POLN: variants seen among roughly 807,000 people sequenced by gnomAD.
POLN encodes the protein DNA polymerase N.
In POLN, 108 loss-of-function variants were observed where a neutral mutation model predicts 113.5. The observed-to-expected ratio is 0.95, with a 90% CI of 0.81 to 1.12. POLN has a LOEUF of 1.12. POLN is among the 50% of genes most tolerant of loss of function. The pLI, the probability that POLN is intolerant of heterozygous loss-of-function variation, is 0.00. For synonymous variants in POLN, 386 were observed against 391.5 expected, an observed-to-expected ratio of 0.99 and a Z score of 0.17; for missense variants, 1,097 against 1,077.1, an observed-to-expected ratio of 1.02 and a Z score of -0.26.
At chr4:2,227,574 T>C (rs544881152) in intron 3 of POLN, 2 of 152,316 alleles carry the variant, frequency 1.3e-5, no homozygotes, top group East Asian at 3.9e-4. Flanking sequence ...AAAAGTAGTA[T>C]CATATCTTTT....
At chr4:2,086,814 G>A (rs569019068) in intron 20 of POLN, among the ~76,000 whole-genome samples, 1 of 152,196 alleles carries the variant, frequency 6.6e-6, no homozygotes, top group Non-Finnish European at 1.5e-5. Flanking sequence ...TCTGTGATAG[G>A]TAAACTCTAG....
chr4:2,141,660 C>A (rs1271468423), intron 16 of POLN, among the ~76,000 whole-genome samples: 3 of 152,246 alleles, frequency 2.0e-5, no homozygotes, highest in Non-Finnish European at 4.4e-5. Context: ...ATGGCACCCT[C>A]CCTGTGCACC....
At chr4:2,174,071 A>G in intron 10 of POLN, 52 bp from the exon 11 acceptor site, 1 of 1,550,406 alleles carries the variant, frequency 6.4e-7, no homozygotes, top group Admixed American at 1.7e-5. Context: ...TATTCTTTTT[A>G]CTAAAGACTA....
At position 2,111,234 on chromosome 4, in the gene POLN, G is replaced by A. The variant is rs1046395925; in HGVS notation, c.1983-15301C>T. On this transcript the variant is annotated intron_variant, in intron 19 of 25. Coordinates refer to ENST00000511885, the MANE Select transcript of POLN (RefSeq NM_181808.4). Reference sequence around the variant, plus strand: ...TCAATAAATTAGGTATTGATGGGACGTATCTCAAAATAATAAGAGCTATCT... The same window carrying A: ...TCAATAAATTAGGTATTGATGGGACATATCTCAAAATAATAAGAGCTATCT... Among the ~76,000 whole-genome samples the A allele has an allele frequency of 1.5e-4, 23 of 152,160 alleles. No individual in the cohort carries two copies. The East Asian group carries it at 3.1e-3, about 20-fold the overall frequency.
At chr4:2,228,274 CA>C (rs937878886) in intron 3 of POLN, 2 of 145,262 alleles carry the variant, frequency 1.4e-5, no homozygotes, top group African/African-American at 5.4e-5. Flanking sequence ...CAACAAAAAA[CA>C]AAACAAAAAA....
chr4:2,072,795 G>T (rs1462123506), intron 25 of POLN, among the ~76,000 whole-genome samples, 173 bp downstream of exon 25: 4 of 152,198 alleles, frequency 2.6e-5, no homozygotes, highest in Non-Finnish European at 4.4e-5. Context: ...AGCAGAGTCG[G>T]GTGGGGCTTC....
intron 2 of POLN, 124 bp from the exon 3 acceptor site, chr4:2,229,367 A>G: frequency 2.5e-6 from 2 of 813,998 alleles, no homozygotes; most frequent in Non-Finnish European, 3.6e-6. Context: ...ATTCATAACC[A>G]CAGAAAATAG....
intron 2 of POLN, chr4:2,230,502 G>A (rs553928856): frequency 2.3e-4 from 35 of 152,154 alleles, no homozygotes; most frequent in African/African-American, 8.4e-4. Context: ...GTGATAGGGA[G>A]CTGATAGCAA....
At chr4:2,137,647 C>G (rs530587092) in intron 16 of POLN, among the ~76,000 whole-genome samples, 1 of 152,170 alleles carries the variant, frequency 6.6e-6, no homozygotes, top group Non-Finnish European at 1.5e-5. Flanking sequence ...CCCACTAAAG[C>G]TTCTGCTCAG....
chr4:2,119,399 TTG>T (rs887421020), intron 19 of POLN, among the ~76,000 whole-genome samples: 13 of 134,276 alleles, frequency 9.7e-5, no homozygotes, highest in African/African-American at 3.5e-4. Context: ...TGTCTTTTGC[TTG>T]TGTGTGTGTG....
intron 19 of POLN, among the ~76,000 whole-genome samples, chr4:2,096,664 C>T (rs1261043786): frequency 6.8e-6 from 1 of 146,196 alleles, no homozygotes; most frequent in East Asian, 2.0e-4. Context: ...GAGTGGGCAT[C>T]TCAGATTCAG....
chr4:2,240,575 T>C (rs775294946), intron 2 of POLN: 17 of 1,612,994 alleles, frequency 1.1e-5, no homozygotes, highest in Middle Eastern at 1.6e-4. Flanking sequence ...AAGCCATCAA[T>C]TGACATTTAT....
chr4:2,240,320 T>C (rs200173318), intron 2 of POLN: 1 of 1,606,208 alleles, frequency 6.2e-7, no homozygotes, highest in East Asian at 2.2e-5. Flanking sequence ...CTGCTGTGCT[T>C]TGCTCTTCCT....
chr4:2,218,277 C>CAAAAAA (rs376746658), intron 3 of POLN, among the ~76,000 whole-genome samples: 2 of 89,802 alleles, frequency 2.2e-5, no homozygotes, highest in African/African-American at 7.5e-5. Flanking sequence ...ACTAAAAATA[C>CAAAAAA]AAAAAAAAAA....
chr4:2,115,979 G>A (rs368222134), intron 19 of POLN, among the ~76,000 whole-genome samples: 3 of 152,166 alleles, frequency 2.0e-5, no homozygotes, highest in African/African-American at 4.8e-5. Flanking sequence ...CCAGCTTTTC[G>A]GGTTCACTTT....
At chr4:2,160,925 G>A (rs955557612) in intron 13 of POLN, among the ~76,000 whole-genome samples, 1 of 152,168 alleles carries the variant, frequency 6.6e-6, no homozygotes, top group African/African-American at 2.4e-5. Flanking sequence ...TGGAATTTAT[G>A]TTTGTGTGCT....
chr4:2,214,985 G>T (rs989735946), intron 3 of POLN, among the ~76,000 whole-genome samples: 1 of 151,768 alleles, frequency 6.6e-6, no homozygotes, highest in Admixed American at 6.6e-5. Flanking sequence ...AACAAAAACA[G>T]ATAGGAAATA....
intron 19 of POLN, among the ~76,000 whole-genome samples, chr4:2,122,382 G>A (rs1230651702): frequency 1.3e-5 from 2 of 152,172 alleles, no homozygotes; most frequent in Non-Finnish European, 2.9e-5. Context: ...TCTGGGAGGA[G>A]GGACACAGAG....
At chr4:2,195,644 C>T (rs541758060) in intron 6 of POLN, among the ~76,000 whole-genome samples, 1 of 152,076 alleles carries the variant, frequency 6.6e-6, no homozygotes, top group Non-Finnish European at 1.5e-5. Context: ...CCACTGTACC[C>T]GGGTAATTTT....
Sources: allele counts gnomAD v4.1 joint callset (sites outside exome capture counted in the v4.1 genomes callset), GRCh38; gene constraint gnomAD v4.1.1; transcripts MANE v1.5; gene names NCBI Gene and HGNC (gene_info 2026-07-23, HGNC 2026-07-21).